The following KIRREL1 variants were observed in gnomAD, a reference collection of about 807,000 sequenced individuals.
KIRREL1 encodes the protein kirre like nephrin family adhesion molecule 1.
A neutral mutation model predicts 83.3 loss-of-function variants in KIRREL1; 25 were observed. The observed-to-expected ratio is 0.30, with a 90% CI of 0.22 to 0.42. The LOEUF is 0.42. Ranked by LOEUF, KIRREL1 falls within the 10% of genes least tolerant of loss-of-function variation. KIRREL1 has a pLI of 1.00. For missense variants in KIRREL1, 812 were observed against 1,032.3 expected (o/e 0.79, Z 2.92); for synonymous variants, 388 against 410.4 (o/e 0.95, Z 0.66).
rs111806388 is a variant in KIRREL1, at chr1:158,088,367, A to G, written c.957A>G (p.Thr319=). ...TAGTTGACCCCAAACCCACAACCAC[A>G]GACATTGGCTCTGATGTGACCCTTA... ...RIVVDPKPTT[T]DIGSDVTLTC... Residue 319 remains threonine, a synonymous_variant, in exon 8 of 15, where the codon ACA becomes ACG. Coordinates refer to ENST00000359209, the MANE Select transcript of KIRREL1 (RefSeq NM_018240.7). 1.2e-6 allele frequency: 2 copies of G among 1,613,948 alleles called. No individual in the cohort carries two copies. Among genetic ancestry groups the G allele is most frequent in the African/African-American group, 1.3e-5 (1 of 74,962 alleles).
chr1:158,057,126 C>G (rs769122873), intron 1 of KIRREL1, among the ~76,000 whole-genome samples: 5 of 152,144 alleles, frequency 3.3e-5, no homozygotes, highest in Non-Finnish European at 7.3e-5. Flanking sequence ...TTTGGGGGCT[C>G]TCAGGAGTAG....
At chr1:158,016,619 C>T (rs564890134) in intron 1 of KIRREL1, among the ~76,000 whole-genome samples, 10 of 152,230 alleles carry the variant, frequency 6.6e-5, no homozygotes, top group African/African-American at 2.4e-4. Flanking sequence ...TTAGAGTTGA[C>T]TTGGTCTGCT....
chr1:158,037,212 C>T (rs768156786), intron 1 of KIRREL1, among the ~76,000 whole-genome samples: 21 of 152,122 alleles, frequency 1.4e-4, no homozygotes, highest in South Asian at 2.1e-4. Context: ...AGGGGTCAAT[C>T]GGCCGGGCGC....
Position 158,076,469 on chromosome 1 carries a change from G to A in KIRREL1, c.202+207G>A, listed in dbSNP as rs75187201. On this transcript the variant is annotated intron_variant, in intron 2 of 14. Transcript: ENST00000359209. Reference sequence around the variant, plus strand: ...CTTTCCTCCCACTGAGGACTGACTTGAGGAAGGCAGTACGAAGCCTGAGAG... The same window carrying A: ...CTTTCCTCCCACTGAGGACTGACTTAAGGAAGGCAGTACGAAGCCTGAGAG... Among the ~76,000 whole-genome samples, 1,353 of 152,318 alleles carry A rather than the reference G, an allele frequency of 8.9e-3. 13 individuals are homozygous for A. Among genetic ancestry groups the A allele is most frequent in the African/African-American group, 0.03 (1,260 of 41,560 alleles).
intron 1 of KIRREL1, among the ~76,000 whole-genome samples, chr1:158,031,324 TAA>T (rs796677999): frequency 2.0e-4 from 30 of 150,756 alleles, no homozygotes; most frequent in African/African-American, 4.9e-4. Context: ...TCCCCTCCAC[TAA>T]ACACACACAC....
chr1:158,052,467 G>A (rs1660932841), intron 1 of KIRREL1, among the ~76,000 whole-genome samples: 1 of 152,130 alleles, frequency 6.6e-6, no homozygotes, highest in African/African-American at 2.4e-5. Context: ...GAATACTGGA[G>A]GCTGGATAAT....
At chr1:158,004,044 G>A (rs1659447235) in intron 1 of KIRREL1, among the ~76,000 whole-genome samples, 1 of 152,160 alleles carries the variant, frequency 6.6e-6, no homozygotes, top group Admixed American at 6.5e-5. Flanking sequence ...CTCCTCACCA[G>A]GGGGCCTGTG....
chr1:158,065,610 G>A (rs940493095), intron 1 of KIRREL1, among the ~76,000 whole-genome samples: 1 of 152,170 alleles, frequency 6.6e-6, no homozygotes, highest in Non-Finnish European at 1.5e-5. Context: ...GCCTTGGTTT[G>A]TGGGGAGACA....
intron 1 of KIRREL1, among the ~76,000 whole-genome samples, chr1:158,011,133 C>T (rs892213483): frequency 2.0e-5 from 3 of 152,176 alleles, no homozygotes; most frequent in Non-Finnish European, 4.4e-5. Context: ...CTCATGACCT[C>T]CTGTGTCTGA....
chr1:158,033,558 T>C (rs1208650488), intron 1 of KIRREL1, among the ~76,000 whole-genome samples: 2 of 152,232 alleles, frequency 1.3e-5, no homozygotes, highest in Non-Finnish European at 2.9e-5. Context: ...CTCATTTTAT[T>C]GCTCCTCATG....
At chr1:158,068,893 A>G (rs992528315) in intron 1 of KIRREL1, among the ~76,000 whole-genome samples, 11 of 150,446 alleles carry the variant, frequency 7.3e-5, no homozygotes, top group African/African-American at 2.7e-4. Flanking sequence ...ATTTAGTTCC[A>G]TCTGAAAGCT....
rs562857999 is a variant in KIRREL1, at chr1:158,093,841, G to A, written c.1719+79G>A. The A allele has an allele frequency of 4.7e-5, 71 of 1,512,438 alleles. 1 individual carries two copies. The South Asian group carries it at 5.7e-4, about 12-fold the overall frequency. The allele number at this position is 1,512,438 out of a possible 1,614,324, so 93.7% of individuals were successfully genotyped here. A position where few individuals can be genotyped will look rare whatever the true frequency, so the allele number is the denominator to read the frequency against. On this transcript the variant is annotated intron_variant, in intron 13 of 14. Coordinates refer to ENST00000359209, the MANE Select transcript of KIRREL1 (RefSeq NM_018240.7). Reference sequence around the variant, plus strand: ...GCTCCATCCCAGATCTCTAATAACCGCGGTCATTCTCTCCTTCCTCAGTCG... The same window carrying A: ...GCTCCATCCCAGATCTCTAATAACCACGGTCATTCTCTCCTTCCTCAGTCG...
At chr1:158,040,413 T>C (rs1053300583) in intron 1 of KIRREL1, among the ~76,000 whole-genome samples, 4 of 152,256 alleles carry the variant, frequency 2.6e-5, no homozygotes, top group African/African-American at 9.6e-5. Flanking sequence ...GTTGAAATTC[T>C]GACCCCAGGT....
intron 1 of KIRREL1, among the ~76,000 whole-genome samples, chr1:158,020,395 T>A (rs1659971251): frequency 6.6e-6 from 1 of 152,078 alleles, no homozygotes; most frequent in African/African-American, 2.4e-5. Context: ...AAGAATGAAC[T>A]ATTATTTTTG....
intron 1 of KIRREL1, among the ~76,000 whole-genome samples, chr1:158,035,945 C>CA (rs1660464303): frequency 6.6e-6 from 1 of 152,190 alleles, no homozygotes; most frequent in Non-Finnish European, 1.5e-5. Flanking sequence ...TACACAGAGC[C>CA]AGGGGGAACT....
chr1:158,005,676 A>G (rs1014353234), intron 1 of KIRREL1, among the ~76,000 whole-genome samples: 2 of 152,104 alleles, frequency 1.3e-5, no homozygotes, highest in Non-Finnish European at 2.9e-5. Flanking sequence ...GGTCATGAGC[A>G]AGTTGCATGA....
chr1:158,039,672 C>G (rs544315938), intron 1 of KIRREL1, among the ~76,000 whole-genome samples: 1 of 152,344 alleles, frequency 6.6e-6, no homozygotes, highest in African/African-American at 2.4e-5. Context: ...TGCTTGAGCT[C>G]AGTTCTTTCC....
At chr1:158,003,609 G>A (rs981381867) in intron 1 of KIRREL1, among the ~76,000 whole-genome samples, 2 of 152,158 alleles carry the variant, frequency 1.3e-5, no homozygotes, top group African/African-American at 4.8e-5. Context: ...TGCTGCCAGC[G>A]CCAGAACCCT....
Position 158,093,741 on chromosome 1 carries a change from G to T in KIRREL1, c.1698G>T (p.Arg566=), listed in dbSNP as rs1195969455. 11 of 1,613,952 alleles carry T rather than the reference G, an allele frequency of 6.8e-6. No individual in the cohort carries two copies. Among genetic ancestry groups the T allele is most frequent in the Non-Finnish European group, 9.3e-6 (11 of 1,180,028 alleles). The change falls in exon 13 of 15, where the codon CGG becomes CGT. Residue 566 remains arginine, a synonymous_variant. Transcript: ENST00000359209. ...DDTASVSTAT[R]VMKAIYSSFK... ...CCGCCAGCGTCTCCACAGCAACCCG[G>T]GTCATGAAGGCCATCTACTCGGTGA...
Sources: gnomAD v4.1 joint callset for allele counts (sites outside exome capture counted in the v4.1 genomes callset) on GRCh38, gnomAD v4.1.1 for gene constraint, MANE v1.5 for transcripts, NCBI Gene and HGNC (gene_info 2026-07-23, HGNC 2026-07-21) for gene names.